Variants in TENM4 observed in about 807,000 individuals in gnomAD.
TENM4 encodes the protein teneurin transmembrane protein 4.
In TENM4, 82 loss-of-function variants were observed where a neutral mutation model predicts 243.3. That is an observed-to-expected ratio of 0.34 (90% confidence interval 0.28 to 0.40). The LOEUF is 0.40. TENM4 is among the 10% of genes least tolerant of loss of function. TENM4 has a pLI of 1.00. For synonymous variants in TENM4, 1,412 were observed against 1,456.3 expected (o/e 0.97, Z 0.69); for missense variants, 3,138 against 3,673.3 (o/e 0.85, Z 3.77).
chr11:79,058,347 T>A (rs796383987), intron 6 of TENM4, among the ~76,000 whole-genome samples: 1 of 151,932 alleles, frequency 6.6e-6, no homozygotes, highest in Admixed American at 6.5e-5. Context: ...ATCGAGACCA[T>A]CCTGGCTAAC....
chr11:79,171,444 C>T (rs188198165), intron 3 of TENM4, among the ~76,000 whole-genome samples: 7 of 152,306 alleles, frequency 4.6e-5, no homozygotes, highest in Non-Finnish European at 8.8e-5. Flanking sequence ...GCCATGGAAA[C>T]GCTGTGGAGT....
At chr11:79,051,783 C>G (rs1169562848) in intron 6 of TENM4, among the ~76,000 whole-genome samples, 1 of 152,222 alleles carries the variant, frequency 6.6e-6, no homozygotes, top group African/African-American at 2.4e-5. Flanking sequence ...TTGCACCAAC[C>G]TCCAACAGAC....
intron 3 of TENM4, among the ~76,000 whole-genome samples, chr11:79,172,978 C>G (rs1311684026): frequency 6.6e-6 from 1 of 152,138 alleles, no homozygotes; most frequent in Non-Finnish European, 1.5e-5. Context: ...TTCTTATAAT[C>G]CATTATTCAA....
intron 1 of TENM4, among the ~76,000 whole-genome samples, chr11:79,377,871 A>G (rs978778119): frequency 2.0e-5 from 3 of 148,618 alleles, no homozygotes; most frequent in Admixed American, 6.7e-5. Context: ...AACAAAATAC[A>G]ATTAAAAAAA....
At chr11:79,268,407 GCTAT>G (rs1326233064) in intron 2 of TENM4, among the ~76,000 whole-genome samples, 23 of 152,186 alleles carry the variant, frequency 1.5e-4, no homozygotes, top group Non-Finnish European at 1.5e-5. Flanking sequence ...CCACATTTCA[GCTAT>G]CTGACACTGG....
At chr11:78,689,438 A>G (rs1354181494) in intron 28 of TENM4, among the ~76,000 whole-genome samples, 1 of 151,544 alleles carries the variant, frequency 6.6e-6, no homozygotes, top group South Asian at 2.1e-4. Flanking sequence ...CTTGCTGGAC[A>G]CGGTTGCCCC....
intron 1 of TENM4, among the ~76,000 whole-genome samples, chr11:79,310,084 C>T (rs1032105670): frequency 1.2e-4 from 18 of 152,184 alleles, no homozygotes; most frequent in Non-Finnish European, 2.1e-4. Context: ...ACTCCCAAAC[C>T]CCTGACGCAG....
intron 6 of TENM4, among the ~76,000 whole-genome samples, chr11:78,964,857 T>A (rs533953330): frequency 1.1e-3 from 166 of 152,260 alleles, no homozygotes; most frequent in African/African-American, 3.9e-3. Context: ...GAAAAATACT[T>A]CCAGCTCCTC....
chr11:79,166,681 C>T (rs1427998476), intron 3 of TENM4, among the ~76,000 whole-genome samples: 1 of 152,202 alleles, frequency 6.6e-6, no homozygotes, highest in East Asian at 1.9e-4. Context: ...GTGGGAACTG[C>T]ATTCAGTCGG....
intron 6 of TENM4, among the ~76,000 whole-genome samples, chr11:78,925,991 C>T (rs752433626): frequency 7.9e-5 from 12 of 151,320 alleles, no homozygotes; most frequent in Non-Finnish European, 1.5e-4. Flanking sequence ...CCATATATTA[C>T]ATAATTATAT....
chr11:79,124,972 A>G (rs1022542582), intron 4 of TENM4, among the ~76,000 whole-genome samples: 3 of 150,566 alleles, frequency 2.0e-5, no homozygotes, highest in Non-Finnish European at 1.5e-5. Context: ...AAACCCTAAT[A>G]CAGATTTTGG....
chr11:78,773,603 T>C (rs911676263), intron 17 of TENM4, among the ~76,000 whole-genome samples: 9 of 152,140 alleles, frequency 5.9e-5, no homozygotes, highest in African/African-American at 2.2e-4. Context: ...AGAGAATAAA[T>C]AGTTTAGGCC....
chr11:79,080,014 GC>G lies in TENM4; in HGVS notation c.-65-10006del, dbSNP rs533227358. Among the ~76,000 whole-genome samples the G allele has an allele frequency of 2.9e-3, 447 of 152,148 alleles. 4 individuals carry two copies. The highest frequency in any genetic ancestry group is 0.01 in the Middle Eastern group (3 of 294). ...GGGGGCTGAAACCTGCCTCCTTTTA[GC>G]TTCCTTCCACAGGCCTCAGCTCTAC... On this transcript the variant is annotated intron_variant, in intron 4 of 33. Transcript: ENST00000278550.
chr11:78,988,149 T>G (rs1178656589), intron 6 of TENM4, among the ~76,000 whole-genome samples: 1 of 152,256 alleles, frequency 6.6e-6, no homozygotes, highest in Non-Finnish European at 1.5e-5. Context: ...TCCCTAGGTT[T>G]GCTCAGATAA....
At chr11:78,863,700 A>G (rs143893975) in intron 9 of TENM4, among the ~76,000 whole-genome samples, 1,795 of 152,362 alleles carry the variant, frequency 0.012, 36 homozygotes, top group African/African-American at 0.041. Context: ...ATTGGCAGAG[A>G]ATGGAAAGCA....
At chr11:78,687,995 C>T in intron 29 of TENM4, 59 bp downstream of exon 29, 4 of 1,572,018 alleles carry the variant, frequency 2.5e-6, no homozygotes, top group Middle Eastern at 2.0e-4. Flanking sequence ...TGCCATCCTC[C>T]TCCAAAGGGG....
intron 6 of TENM4, among the ~76,000 whole-genome samples, chr11:78,973,223 G>T (rs757574216): frequency 1.3e-5 from 2 of 152,218 alleles, no homozygotes; most frequent in Non-Finnish European, 2.9e-5. Context: ...TTGCTGAATT[G>T]TATGCTTAAC....
At chr11:79,210,642 C>G (rs1308073957) in intron 3 of TENM4, among the ~76,000 whole-genome samples, 3 of 152,066 alleles carry the variant, frequency 2.0e-5, no homozygotes, top group African/African-American at 4.8e-5. Context: ...ACCTGGGGAG[C>G]CCGGAGGGGA....
chr11:78,985,407 T>C (rs1045970029), intron 6 of TENM4, among the ~76,000 whole-genome samples: 21 of 152,360 alleles, frequency 1.4e-4, no homozygotes, highest in African/African-American at 4.8e-4. Flanking sequence ...TTACTAATAA[T>C]GTGTGCTTCT....
Sources: allele counts gnomAD v4.1 joint callset (sites outside exome capture counted in the v4.1 genomes callset), GRCh38; gene constraint gnomAD v4.1.1; transcripts MANE v1.5; gene names NCBI Gene and HGNC (gene_info 2026-07-23, HGNC 2026-07-21).